DNAI7: variants seen among roughly 807,000 people sequenced by gnomAD.
The protein encoded by DNAI7 is dynein axonemal intermediate chain 7.
In DNAI7, 78 loss-of-function variants were observed where a neutral mutation model predicts 86.6. The observed-to-expected ratio is 0.90, with a 90% CI of 0.75 to 1.09. The LOEUF (loss-of-function observed/expected upper bound fraction) is 1.09. DNAI7 is among the 50% of genes least tolerant of loss of function. The pLI is 0.00. For synonymous variants in DNAI7, 274 were observed against 273.0 expected, an observed-to-expected ratio of 1.00 and a Z score of -0.04; for missense variants, 753 against 810.2, an observed-to-expected ratio of 0.93 and a Z score of 0.86.
chr12:25,166,540 G>C (rs112627301), intron 2 of DNAI7, among the ~76,000 whole-genome samples: 13,229 of 152,136 alleles, frequency 0.087, 1,779 homozygotes, highest in African/African-American at 0.29. Flanking sequence ...CATTACTTCA[G>C]TCAAGCCCAA....
intron 2 of DNAI7, among the ~76,000 whole-genome samples, chr12:25,172,714 C>T (rs1948272219): frequency 1.3e-5 from 2 of 152,012 alleles, no homozygotes; most frequent in Admixed American, 1.3e-4. Flanking sequence ...ACTATAAGAC[C>T]ATAGTCACCA....
At position 25,133,995 on chromosome 12, in the gene DNAI7, G is replaced by C. The variant is rs567671376; in HGVS notation, c.1002+10370C>G. On this transcript the variant is annotated intron_variant, in intron 9 of 15. Transcript: ENST00000395987. Reference sequence around the variant, plus strand: ...GTTTCTTGGACTATGTATTTGTTTTGTTTTTATTTTTGTTTTTAAGACAGG... The same window carrying C: ...GTTTCTTGGACTATGTATTTGTTTTCTTTTTATTTTTGTTTTTAAGACAGG... Among the ~76,000 whole-genome samples the C allele has an allele frequency of 7.4e-4, 113 of 152,144 alleles. 2 individuals carry two copies. The South Asian group carries it at 0.022, about 30-fold the overall frequency.
At chr12:25,187,154 G>T (rs374244233) in intron 2 of DNAI7, among the ~76,000 whole-genome samples, 1 of 152,028 alleles carries the variant, frequency 6.6e-6, no homozygotes, top group Non-Finnish European at 1.5e-5. Context: ...ACTACAAACC[G>T]GCTCCTGATT....
intron 9 of DNAI7, among the ~76,000 whole-genome samples, chr12:25,130,882 C>T (rs1445969033): frequency 2.0e-5 from 3 of 151,778 alleles, no homozygotes; most frequent in Non-Finnish European, 4.4e-5. Flanking sequence ...TATTAAGAGC[C>T]CTCTAGTGGC....
chr12:25,147,343 G>A (rs1944984616), intron 7 of DNAI7, among the ~76,000 whole-genome samples: 1 of 152,162 alleles, frequency 6.6e-6, no homozygotes, highest in Non-Finnish European at 1.5e-5. Flanking sequence ...TTTCTCCTAA[G>A]GTGTCTAAGA....
chr12:25,144,548 T>C lies in DNAI7; in HGVS notation c.819A>G (p.Ser273=). 1 of 1,614,146 alleles carries C rather than the reference T, an allele frequency of 6.2e-7. No homozygotes were observed. The highest frequency in any genetic ancestry group is 1.3e-5 in the African/African-American group (1 of 75,046). The change falls in exon 9 of 16, where the codon TCA becomes TCG. Residue 273 remains serine, a synonymous_variant. Transcript: ENST00000395987. ...YDHVSALHPV[S]TPSKEYTSAV... ...CAGAAGTGTATTCTTTTGATGGTGT[T>C]GAAACAGGGTGCAGTGCAGAAACAT...
intron 2 of DNAI7, among the ~76,000 whole-genome samples, chr12:25,188,673 CAAAAAAAAAAAA>C (rs71065918): frequency 1.5e-5 from 2 of 130,200 alleles, no homozygotes; most frequent in Non-Finnish European, 1.6e-5. Flanking sequence ...GACTCTGTCT[CAAAAAAAAAAAA>C]AAAAAAAAAA....
chr12:25,109,411 G>A (rs1183464444), intron 15 of DNAI7, among the ~76,000 whole-genome samples: 12 of 148,882 alleles, frequency 8.1e-5, no homozygotes, highest in Admixed American at 7.3e-4. Flanking sequence ...TAAGAGATGG[G>A]GGTCTCACTC....
chr12:25,148,810 C>A (rs1017827658), intron 7 of DNAI7, among the ~76,000 whole-genome samples: 1 of 152,154 alleles, frequency 6.6e-6, no homozygotes, highest in Admixed American at 6.5e-5. Flanking sequence ...CATACAATGT[C>A]ATTAGTCTCT....
intron 2 of DNAI7, among the ~76,000 whole-genome samples, chr12:25,184,453 C>G (rs1949842778): frequency 6.6e-6 from 1 of 152,176 alleles, no homozygotes; most frequent in East Asian, 1.9e-4. Flanking sequence ...TGCATCAGTA[C>G]TTCCTTCTTA....
intron 7 of DNAI7, among the ~76,000 whole-genome samples, chr12:25,148,832 T>G (rs1945165474): frequency 6.6e-6 from 1 of 152,194 alleles, no homozygotes; most frequent in African/African-American, 2.4e-5. Flanking sequence ...AGTGTTTGCT[T>G]GCCTTCTAGC....
At chr12:25,117,961 G>A (rs529382303) in intron 12 of DNAI7, among the ~76,000 whole-genome samples, 6 of 73,858 alleles carry the variant, frequency 8.1e-5, no homozygotes, top group East Asian at 4.3e-4. Context: ...TTTTTGAGAC[G>A]GAGGGAGTCT....
chr12:25,178,547 A>C (rs188334774), intron 2 of DNAI7, among the ~76,000 whole-genome samples: 114 of 152,328 alleles, frequency 7.5e-4, no homozygotes, highest in African/African-American at 2.6e-3. Flanking sequence ...TTTAATAAAT[A>C]CTGAGAGGCT....
chr12:25,165,850 A>G (rs1947401279), intron 2 of DNAI7, among the ~76,000 whole-genome samples: 1 of 152,166 alleles, frequency 6.6e-6, no homozygotes, highest in South Asian at 2.1e-4. Flanking sequence ...TAATTTAGAC[A>G]GTACTCTTTT....
At chr12:25,185,771 T>C (rs1272572213) in intron 2 of DNAI7, 1 of 984,118 alleles carries the variant, frequency 1.0e-6, no homozygotes, top group African/African-American at 1.7e-5. Context: ...GAAGCCTGTT[T>C]GTGATGACAG....
Position 25,108,526 on chromosome 12 carries a change from C to T in DNAI7, c.*22G>A, listed in dbSNP as rs953788493. On this transcript the variant is annotated 3_prime_UTR_variant, in exon 16 of 16. Transcript: ENST00000395987. The stretch of plus-strand genomic sequence containing the variant: ...CACCATGCTTGGTTCTTCATACTTA[C>T]AATACAGTTTGTAAGTGGAGGTTAG... The T allele has an allele frequency of 6.3e-7, 1 of 1,598,842 alleles. No homozygotes were observed. The highest frequency in any genetic ancestry group is 1.1e-5 in the South Asian group (1 of 89,064).
chr12:25,180,576 G>C (rs920770194), intron 2 of DNAI7, among the ~76,000 whole-genome samples: 7 of 151,970 alleles, frequency 4.6e-5, no homozygotes, highest in African/African-American at 1.7e-4. Flanking sequence ...ACATGGTATT[G>C]GTATAAAAAT....
intron 6 of DNAI7, among the ~76,000 whole-genome samples, chr12:25,154,099 T>A (rs563797235): frequency 6.6e-6 from 1 of 152,162 alleles, no homozygotes; most frequent in Non-Finnish European, 1.5e-5. Context: ...AGACAAATAA[T>A]CAATGTTTTA....
chr12:25,161,823 AGGT>A (rs945353849), intron 2 of DNAI7, among the ~76,000 whole-genome samples: 1 of 150,678 alleles, frequency 6.6e-6, no homozygotes, highest in African/African-American at 2.4e-5. Flanking sequence ...CTCCAAGAAG[AGGT>A]GGTGAAGAAA....
Sources: gnomAD v4.1 joint callset for allele counts (sites outside exome capture counted in the v4.1 genomes callset) on GRCh38, gnomAD v4.1.1 for gene constraint, MANE v1.5 for transcripts, NCBI Gene and HGNC (gene_info 2026-07-23, HGNC 2026-07-21) for gene names.